Variants in FER observed in about 807,000 individuals in gnomAD.
FER encodes the protein FER tyrosine kinase.
Under a neutral mutation model 111.0 loss-of-function variants are expected in FER, and 63 were observed. That is an observed-to-expected ratio of 0.57 (90% CI 0.46 to 0.70). The LOEUF is 0.70. Ranked by LOEUF, FER falls within the 30% of genes least tolerant of loss-of-function variation. FER has a pLI of 0.00. For missense variants in FER, 914 were observed against 954.0 expected (o/e 0.96, Z 0.55); for synonymous variants, 327 against 313.9 (o/e 1.04, Z -0.44).
intron 17 of FER, among the ~76,000 whole-genome samples, chr5:109,125,592 G>T (rs1751611488): frequency 6.6e-6 from 1 of 152,152 alleles, no homozygotes; most frequent in South Asian, 2.1e-4. Context: ...TAGAAGATTG[G>T]TGAAGATTCA....
intron 5 of FER, among the ~76,000 whole-genome samples, chr5:108,852,061 T>C (rs1354925404): frequency 6.6e-6 from 1 of 152,158 alleles, no homozygotes; most frequent in East Asian, 1.9e-4. Context: ...CTATGATAAA[T>C]AAAAGAATGC....
intron 5 of FER, chr5:108,842,197 A>AT (rs924887273): frequency 6.5e-6 from 1 of 154,038 alleles, no homozygotes; most frequent in African/African-American, 2.4e-5. Flanking sequence ...TCATGAATTG[A>AT]TGATCATTCA....
chr5:108,802,272 T>C (rs1412981861), intron 3 of FER, among the ~76,000 whole-genome samples: 1 of 152,186 alleles, frequency 6.6e-6, no homozygotes, highest in African/African-American at 2.4e-5. Context: ...ATTGAATGTA[T>C]AGATAAATTT....
intron 2 of FER, among the ~76,000 whole-genome samples, chr5:108,777,357 A>C (rs985734855): frequency 6.6e-6 from 1 of 152,196 alleles, no homozygotes; most frequent in African/African-American, 2.4e-5. Context: ...CACCCACTAC[A>C]TATCCTCTGT....
At chr5:109,151,193 T>C (rs1399497137) in intron 17 of FER, among the ~76,000 whole-genome samples, 1 of 152,142 alleles carries the variant, frequency 6.6e-6, no homozygotes, top group Non-Finnish European at 1.5e-5. Flanking sequence ...ATTTGTTTTA[T>C]CCATTTTTGA....
At chr5:108,895,307 A>G (rs1581098027) in intron 9 of FER, among the ~76,000 whole-genome samples, 1 of 152,154 alleles carries the variant, frequency 6.6e-6, no homozygotes, top group East Asian at 1.9e-4. Flanking sequence ...GGTTTGTATT[A>G]CTTTCATCTT....
At chr5:108,850,477 C>T (rs1762447536) in intron 5 of FER, among the ~76,000 whole-genome samples, 1 of 152,010 alleles carries the variant, frequency 6.6e-6, no homozygotes, top group Admixed American at 6.6e-5. Context: ...TATCACTGTA[C>T]ACCTTTAAGT....
chr5:108,753,559 C>T (rs941812400), intron 1 of FER, among the ~76,000 whole-genome samples: 5 of 152,264 alleles, frequency 3.3e-5, no homozygotes, highest in Admixed American at 1.3e-4. Flanking sequence ...ATTAGCTACA[C>T]GTTACTGTCT....
intron 14 of FER, among the ~76,000 whole-genome samples, chr5:109,037,811 A>G (rs1364396718): frequency 6.6e-6 from 1 of 152,006 alleles, no homozygotes; most frequent in Non-Finnish European, 1.5e-5. Context: ...AGATAATAAA[A>G]GTTTAAATAA....
intron 13 of FER, among the ~76,000 whole-genome samples, chr5:109,014,295 A>C (rs1423610754): frequency 6.6e-6 from 1 of 152,156 alleles, no homozygotes; most frequent in African/African-American, 2.4e-5. Flanking sequence ...TCAGCTTTCT[A>C]CATATGGCTA....
In FER at chr5:108,895,774, T is replaced by G. The variant is rs530853747; in HGVS notation, c.1047-1885T>G. 5.3e-5 allele frequency among the ~76,000 whole-genome samples: 8 copies of G among 152,306 alleles called. No homozygotes were observed. The East Asian group carries it at 1.5e-3, about 29-fold the overall frequency. On this transcript the variant is annotated intron_variant, in intron 9 of 19. Transcript: ENST00000281092. ...GTGGTTATCTTTTGGGGGACATTATTCAGCTGACCATAGGTTTAAGAGAGT... is the reference window on the plus strand; with the variant it reads ...GTGGTTATCTTTTGGGGGACATTATGCAGCTGACCATAGGTTTAAGAGAGT...
At chr5:108,989,041 T>C (rs1386153212) in intron 13 of FER, among the ~76,000 whole-genome samples, 1 of 152,126 alleles carries the variant, frequency 6.6e-6, no homozygotes, top group Non-Finnish European at 1.5e-5. Context: ...TTTGCAACGG[T>C]CATTCACGAG....
At chr5:109,157,737 G>A (rs1199033952) in intron 17 of FER, among the ~76,000 whole-genome samples, 1 of 152,072 alleles carries the variant, frequency 6.6e-6, no homozygotes, top group East Asian at 1.9e-4. Flanking sequence ...TACAAATTTA[G>A]TTTCAAAGTT....
At chr5:108,938,612 A>G (rs947254256) in intron 10 of FER, among the ~76,000 whole-genome samples, 2 of 152,022 alleles carry the variant, frequency 1.3e-5, no homozygotes, top group African/African-American at 4.8e-5. Context: ...CAAGAGTATC[A>G]TTGAAAATGA....
chr5:108,927,630 G>A (rs571033980), intron 10 of FER, among the ~76,000 whole-genome samples: 2 of 152,292 alleles, frequency 1.3e-5, no homozygotes, highest in South Asian at 4.1e-4. Context: ...TTCAAGGCTT[G>A]TGAAGTTTGG....
chr5:108,830,554 A>G (rs1759936943), intron 3 of FER: 1 of 152,122 alleles, frequency 6.6e-6, no homozygotes, highest in South Asian at 2.1e-4. Flanking sequence ...TTATTATTGT[A>G]TTATTATTAT....
chr5:108,807,074 G>C (rs1183486809), intron 3 of FER, among the ~76,000 whole-genome samples: 1 of 152,170 alleles, frequency 6.6e-6, no homozygotes, highest in Non-Finnish European at 1.5e-5. Context: ...TATGGAGGCA[G>C]ATCTTTCCTG....
chr5:108,994,722 C>T (rs1316186637), intron 13 of FER, among the ~76,000 whole-genome samples: 1 of 151,962 alleles, frequency 6.6e-6, no homozygotes, highest in East Asian at 1.9e-4. Context: ...TTTTATGATA[C>T]TGATTATTCC....
At chr5:109,121,466 T>A (rs1248938612) in intron 17 of FER, among the ~76,000 whole-genome samples, 1 of 152,192 alleles carries the variant, frequency 6.6e-6, no homozygotes, top group Non-Finnish European at 1.5e-5. Context: ...TGATGAATGA[T>A]CTTTTTAATG....
Sources: gnomAD v4.1 joint callset for allele counts (sites outside exome capture counted in the v4.1 genomes callset) on GRCh38, gnomAD v4.1.1 for gene constraint, MANE v1.5 for transcripts, NCBI Gene and HGNC (gene_info 2026-07-23, HGNC 2026-07-21) for gene names.